Variants in AP2B1 observed in about 807,000 individuals in gnomAD.
The protein encoded by AP2B1 is adaptor related protein complex 2 subunit beta 1, also known as AP-2 complex subunit beta.
Under a neutral mutation model 102.0 loss-of-function variants are expected in AP2B1, and 23 were observed. That is an observed-to-expected ratio of 0.23 (90% CI 0.16 to 0.32). The LOEUF is 0.32. AP2B1 is among the 10% of genes least tolerant of loss of function. AP2B1 has a pLI of 1.00. For missense variants in AP2B1, 541 were observed against 1,157.4 expected (o/e 0.47, Z 7.73); for synonymous variants, 381 against 421.2 (o/e 0.90, Z 1.17).
intron 3 of AP2B1, among the ~76,000 whole-genome samples, chr17:35,598,916 T>C (rs2073383203): frequency 6.6e-6 from 1 of 152,248 alleles, no homozygotes; most frequent in Admixed American, 6.5e-5. Context: ...ACTTAGATGT[T>C]ACTTGCCTTT....
chr17:35,630,127 A>G (rs574643277), intron 9 of AP2B1, among the ~76,000 whole-genome samples: 1 of 152,328 alleles, frequency 6.6e-6, no homozygotes, highest in Admixed American at 6.5e-5. Context: ...ATCTTCTATG[A>G]AATACCTGTT....
chr17:35,659,688 A>G, intron 14 of AP2B1: 1 of 492,828 alleles, frequency 2.0e-6, no homozygotes. Context: ...AGATAGGCCC[A>G]GTTATGTTTT....
chr17:35,603,197 C>T (rs1264720809), intron 3 of AP2B1, among the ~76,000 whole-genome samples: 2 of 152,114 alleles, frequency 1.3e-5, no homozygotes, highest in African/African-American at 4.8e-5. Flanking sequence ...TATTTCATTC[C>T]CTTTTTTCCC....
intron 18 of AP2B1, among the ~76,000 whole-genome samples, chr17:35,694,900 A>G (rs2076111399): frequency 6.6e-6 from 1 of 152,100 alleles, no homozygotes; most frequent in Admixed American, 6.6e-5. Flanking sequence ...AAAACAAAAC[A>G]AAACAAAAAC....
Position 35,680,686 on chromosome 17 carries a change from G to GTTTTTTTTTTTT in AP2B1, c.2325-2007_2325-1996dup, listed in dbSNP as rs1167550201. On this transcript the variant is annotated intron_variant, in intron 17 of 21. Transcript: ENST00000610402. ...CCACCATGCCCAGTCTATGGTTTTG[G>GTTTTTTTTTTTT]TTTTTTTTTTTTTGTTTTTTTTTTT... Among the ~76,000 whole-genome samples the GTTTTTTTTTTTT allele has an allele frequency of 4.3e-4, 26 of 59,916 alleles. 2 individuals are homozygous for GTTTTTTTTTTTT. The highest frequency in any genetic ancestry group is 7.5e-4 in the African/African-American group (10 of 13,394). The allele number at this position is 59,916 out of a possible 152,430, so 39.3% of individuals were successfully genotyped here. A position where few individuals can be genotyped will look rare whatever the true frequency, so the allele number is the denominator to read the frequency against.
At chr17:35,624,332 A>T in intron 5 of AP2B1, 65 bp from the exon 6 acceptor site, 1 of 1,450,392 alleles carries the variant, frequency 6.9e-7, no homozygotes, top group East Asian at 2.3e-5. Context: ...GAGAAGGCTG[A>T]TGAAGTGTTT....
chr17:35,671,529 A>G (rs1308783149), intron 15 of AP2B1, among the ~76,000 whole-genome samples: 1 of 152,140 alleles, frequency 6.6e-6, no homozygotes, highest in Non-Finnish European at 1.5e-5. Context: ...CCTACTGAGT[A>G]CTCTCTTGAT....
At chr17:35,666,707 T>G (rs2075472996) in intron 14 of AP2B1, among the ~76,000 whole-genome samples, 1 of 152,152 alleles carries the variant, frequency 6.6e-6, no homozygotes, top group African/African-American at 2.4e-5. Context: ...CTCCTATTCC[T>G]TTTCCCTCCT....
At chr17:35,648,323 C>A (rs2074992869) in intron 12 of AP2B1, among the ~76,000 whole-genome samples, 1 of 152,062 alleles carries the variant, frequency 6.6e-6, no homozygotes, top group South Asian at 2.1e-4. Context: ...CAAGACCAGC[C>A]TGGCCAACAT....
chr17:35,597,378 G>A (rs2073327158), intron 2 of AP2B1, among the ~76,000 whole-genome samples: 1 of 152,134 alleles, frequency 6.6e-6, no homozygotes. Context: ...AGATAGGTGA[G>A]CCTGGAGACC....
intron 9 of AP2B1, among the ~76,000 whole-genome samples, chr17:35,629,604 A>G (rs1158772379): frequency 6.6e-6 from 1 of 152,150 alleles, no homozygotes; most frequent in Non-Finnish European, 1.5e-5. Flanking sequence ...TTGCATATCT[A>G]TGCATATAAT....
At chr17:35,680,712 T>G (rs1200729800) in intron 17 of AP2B1, among the ~76,000 whole-genome samples, 3 of 145,366 alleles carry the variant, frequency 2.1e-5, no homozygotes, top group African/African-American at 2.6e-5. Context: ...TTTTTTTTTT[T>G]TTTTCAGACA....
At chr17:35,677,033 A>G (rs2075717636) in intron 17 of AP2B1, among the ~76,000 whole-genome samples, 1 of 152,220 alleles carries the variant, frequency 6.6e-6, no homozygotes, top group South Asian at 2.1e-4. Context: ...TCTGTCACCC[A>G]GGCTGGAGTG....
intron 21 of AP2B1, among the ~76,000 whole-genome samples, chr17:35,722,782 G>T (rs2085440292): frequency 6.6e-6 from 1 of 152,116 alleles, no homozygotes; most frequent in Admixed American, 6.6e-5. Flanking sequence ...TGGTTCTAGA[G>T]TGCGTTTTGC....
intron 18 of AP2B1, among the ~76,000 whole-genome samples, chr17:35,699,203 A>G (rs1192177368): frequency 6.6e-6 from 1 of 152,162 alleles, no homozygotes; most frequent in Non-Finnish European, 1.5e-5. Flanking sequence ...CAATAATTAT[A>G]TGTGCTACTA....
intron 20 of AP2B1, among the ~76,000 whole-genome samples, chr17:35,711,462 C>T (rs768758385): frequency 1.5e-4 from 22 of 150,996 alleles, no homozygotes; most frequent in Non-Finnish European, 3.0e-4. Flanking sequence ...CTCATTCCAG[C>T]TTCCCCCACC....
intron 18 of AP2B1, among the ~76,000 whole-genome samples, chr17:35,706,742 G>C (rs2076347348): frequency 6.6e-6 from 1 of 151,980 alleles, no homozygotes; most frequent in African/African-American, 2.4e-5. Flanking sequence ...CCGGGTTCAA[G>C]TGATTCTCCT....
At chr17:35,658,358 T>C (rs1045862927) in intron 14 of AP2B1, among the ~76,000 whole-genome samples, 10 of 151,828 alleles carry the variant, frequency 6.6e-5, no homozygotes, top group Non-Finnish European at 1.5e-4. Context: ...TTTTCCCTTC[T>C]TCCCCACCTA....
chr17:35,639,531 C>A, intron 10 of AP2B1, 64 bp from the exon 11 acceptor site: 1 of 1,481,600 alleles, frequency 6.7e-7, no homozygotes, highest in Non-Finnish European at 9.1e-7. Context: ...TTGCCTTTAG[C>A]CTTCACTGTT....
Sources: gnomAD v4.1 joint callset for allele counts (sites outside exome capture counted in the v4.1 genomes callset) on GRCh38, gnomAD v4.1.1 for gene constraint, MANE v1.5 for transcripts, NCBI Gene and HGNC (gene_info 2026-07-23, HGNC 2026-07-21) for gene names.